Variants in CHMP4B observed in about 807,000 individuals in gnomAD.
CHMP4B encodes the protein charged multivesicular body protein 4B, also known as SNF7 homolog associated with Alix 1.
Under a neutral mutation model 25.1 loss-of-function variants are expected in CHMP4B, and 1 was observed. That is an observed-to-expected ratio of 0.04 (90% CI 0.01 to 0.19). The LOEUF is 0.19. Among genes scored for constraint, CHMP4B ranks in the 10% least tolerant of loss-of-function variants. The pLI is 1.00. For synonymous variants in CHMP4B, 101 were observed against 115.6 expected, an observed-to-expected ratio of 0.87 and a Z score of 0.81; for missense variants, 151 against 289.7, an observed-to-expected ratio of 0.52 and a Z score of 3.48.
intron 4 of CHMP4B, 76 bp from the exon 5 acceptor site, chr20:33,853,420 C>A: frequency 7.3e-7 from 1 of 1,367,548 alleles, no homozygotes; most frequent in Non-Finnish European, 1.0e-6. Flanking sequence ...CCATGGAGCA[C>A]AGGCAGCCCT....
At chr20:33,839,950 T>C (rs1016720166) in intron 1 of CHMP4B, among the ~76,000 whole-genome samples, 4 of 152,142 alleles carry the variant, frequency 2.6e-5, no homozygotes, top group Non-Finnish European at 5.9e-5. Flanking sequence ...ATGGAAAGTA[T>C]CAATTTTTCA....
intron 1 of CHMP4B, among the ~76,000 whole-genome samples, chr20:33,834,212 T>C (rs1014642007): frequency 1.3e-5 from 2 of 152,198 alleles, no homozygotes; most frequent in Middle Eastern, 3.2e-3. Flanking sequence ...TCATTGACCT[T>C]CTTTCTCTTT....
At chr20:33,853,353 A>C (rs148417861) in intron 4 of CHMP4B, 143 bp from the exon 5 acceptor site, 5 of 759,460 alleles carry the variant, frequency 6.6e-6, no homozygotes, top group Admixed American at 2.0e-5. Flanking sequence ...ACCAAGGAGC[A>C]GTCTCCCTAC....
At chr20:33,836,313 G>A (rs1432100143) in intron 1 of CHMP4B, among the ~76,000 whole-genome samples, 4 of 151,846 alleles carry the variant, frequency 2.6e-5, no homozygotes, top group Admixed American at 2.6e-4. Flanking sequence ...TTTATGTTTT[G>A]GGGGCACAAG....
At chr20:33,848,389 T>A in intron 1 of CHMP4B, 78 bp from the exon 2 acceptor site, 1 of 1,438,170 alleles carries the variant, frequency 7.0e-7, no homozygotes, top group Non-Finnish European at 9.7e-7. Flanking sequence ...TCCAGTAGAG[T>A]TGGGGAAAAG....
intron 1 of CHMP4B, among the ~76,000 whole-genome samples, chr20:33,845,774 G>C (rs78349638): frequency 2.0e-5 from 3 of 152,336 alleles, no homozygotes; most frequent in South Asian, 4.1e-4. Context: ...CTAGGGTATG[G>C]CTTTTGTGGA....
chr20:33,822,948 C>T (rs372040005), intron 1 of CHMP4B, among the ~76,000 whole-genome samples: 3 of 151,868 alleles, frequency 2.0e-5, no homozygotes, highest in South Asian at 2.1e-4. Context: ...ACCACCACGC[C>T]GGGCTAATTT....
At chr20:33,811,793 C>T (rs1978625831) in intron 1 of CHMP4B, 135 bp downstream of exon 1, 1 of 877,126 alleles carries the variant, frequency 1.1e-6, no homozygotes, top group East Asian at 2.7e-5. Flanking sequence ...CTTGCCGGGT[C>T]TGGGACCCCC....
chr20:33,828,565 C>G (rs6057914), intron 1 of CHMP4B, among the ~76,000 whole-genome samples: 2 of 152,126 alleles, frequency 1.3e-5, no homozygotes, highest in East Asian at 3.9e-4. Context: ...AATGTTGCGC[C>G]TACATTTCTG....
chr20:33,838,223 A>G (rs1979442592), intron 1 of CHMP4B, among the ~76,000 whole-genome samples: 1 of 152,216 alleles, frequency 6.6e-6, no homozygotes, highest in Admixed American at 6.5e-5. Context: ...TAACTTGAAC[A>G]CAGCCTTAAC....
At chr20:33,835,897 C>A (rs368263149) in intron 1 of CHMP4B, among the ~76,000 whole-genome samples, 1 of 152,120 alleles carries the variant, frequency 6.6e-6, no homozygotes, top group East Asian at 1.9e-4. Flanking sequence ...CCAGCTCTTT[C>A]GGGAACTGAA....
intron 2 of CHMP4B, 95 bp downstream of exon 2, chr20:33,848,739 T>TA (rs1979758054): frequency 3.1e-6 from 4 of 1,306,766 alleles, no homozygotes; most frequent in Non-Finnish European, 2.2e-6. Flanking sequence ...TCCCTTGACT[T>TA]ACCTATTCGA....
chr20:33,834,235 G>T (rs1467448414), intron 1 of CHMP4B, among the ~76,000 whole-genome samples: 2 of 151,706 alleles, frequency 1.3e-5, no homozygotes, highest in Non-Finnish European at 2.9e-5. Context: ...TTTCTTTTTT[G>T]TCTTTTATTG....
intron 1 of CHMP4B, among the ~76,000 whole-genome samples, chr20:33,833,490 CA>C (rs1218368828): frequency 6.6e-6 from 1 of 152,166 alleles, no homozygotes; most frequent in African/African-American, 2.4e-5. Flanking sequence ...TGGATTATTG[CA>C]GTGGTTGCCA....
At chr20:33,820,382 A>G (rs1360367102) in intron 1 of CHMP4B, among the ~76,000 whole-genome samples, 1 of 152,228 alleles carries the variant, frequency 6.6e-6, no homozygotes, top group African/African-American at 2.4e-5. Context: ...CTGTATAGGT[A>G]CACATTTGCA....
Position 33,811,380 on chromosome 20 carries a change from C to G in CHMP4B, c.-89C>G, listed in dbSNP as rs1422260207. The G allele has an allele frequency of 4.4e-6, 5 of 1,149,034 alleles. No homozygotes were observed. Among genetic ancestry groups the G allele is most frequent in the South Asian group, 6.3e-5 (2 of 31,934 alleles). The allele number at this position is 1,149,034 out of a possible 1,614,324, so 71.2% of individuals were successfully genotyped here. A position where few individuals can be genotyped will look rare whatever the true frequency, so the allele number is the denominator to read the frequency against. On this transcript the variant is annotated 5_prime_UTR_variant, in exon 1 of 5. Coordinates refer to ENST00000217402, the MANE Select transcript of CHMP4B (RefSeq NM_176812.5). The stretch of plus-strand genomic sequence containing the variant: ...CCTGCGGCGGCAGGGAGCGGCGGGA[C>G]TGGGAGCGGGCGCCGGAGCCGACCC...
At position 33,811,474 on chromosome 20, in the gene CHMP4B, G is replaced by C. The variant is rs1243962172; in HGVS notation, c.6G>C (p.Ser2=). The C allele has an allele frequency of 1.9e-6, 3 of 1,556,004 alleles. No individual in the cohort carries two copies. The highest frequency in any genetic ancestry group is 1.4e-5 in the African/African-American group (1 of 73,452). Residue 2 remains serine (S), a synonymous_variant, in exon 1 of 5, where the codon TCG becomes TCC. Coordinates refer to ENST00000217402, the MANE Select transcript of CHMP4B (RefSeq NM_176812.5). M[S]VFGKLFGAGG... ...CGGCGCGGCGAGCAGCAACCATGTC[G>C]GTGTTCGGGAAGCTGTTCGGGGCTG...
At chr20:33,838,838 C>T (rs1172571986) in intron 1 of CHMP4B, among the ~76,000 whole-genome samples, 1 of 152,098 alleles carries the variant, frequency 6.6e-6, no homozygotes, top group Non-Finnish European at 1.5e-5. Flanking sequence ...AAGTGAAACC[C>T]CTTCTCTTCC....
At chr20:33,840,445 A>T (rs1979508015) in intron 1 of CHMP4B, among the ~76,000 whole-genome samples, 1 of 152,188 alleles carries the variant, frequency 6.6e-6, no homozygotes, top group Non-Finnish European at 1.5e-5. Context: ...CCCATCTTGC[A>T]TCTGACAAAC....
Sources: gnomAD v4.1 joint callset for allele counts (sites outside exome capture counted in the v4.1 genomes callset) on GRCh38, gnomAD v4.1.1 for gene constraint, MANE v1.5 for transcripts, NCBI Gene and HGNC (gene_info 2026-07-23, HGNC 2026-07-21) for gene names.